TEX14: variants seen among roughly 807,000 people sequenced by gnomAD.
TEX14 encodes inactive serine/threonine-protein kinase TEX14.
In TEX14, 168 loss-of-function variants were observed where a neutral mutation model predicts 178.6. The ratio of observed to expected loss-of-function variants is 0.94; its 90% CI spans 0.83 to 1.07. The LOEUF is 1.07. Among genes scored for constraint, TEX14 ranks in the 50% least tolerant of loss-of-function variants. The probability of loss-of-function intolerance (pLI) is 0.00; values close to 1 mark genes in which losing one functional copy is unlikely to be tolerated. For synonymous variants in TEX14, 626 were observed against 634.1 expected, an observed-to-expected ratio of 0.99 and a Z score of 0.19; for missense variants, 1,730 against 1,753.6, an observed-to-expected ratio of 0.99 and a Z score of 0.24.
intron 26 of TEX14, among the ~76,000 whole-genome samples, chr17:58,567,037 C>T (rs1378888417): frequency 6.6e-6 from 1 of 151,744 alleles, no homozygotes; most frequent in East Asian, 1.9e-4. Context: ...CATGGTGGCT[C>T]ATGCCTGTAA....
intron 14 of TEX14, 58 bp from the exon 15 acceptor site, chr17:58,593,719 C>T (rs2045213042): frequency 7.4e-7 from 1 of 1,352,346 alleles, no homozygotes; most frequent in Admixed American, 1.7e-5. Context: ...ACTCTCTTCA[C>T]TGTCACACTA....
intron 3 of TEX14, among the ~76,000 whole-genome samples, chr17:58,629,355 G>A (rs1386925897): frequency 7.9e-5 from 12 of 151,824 alleles, no homozygotes; most frequent in Non-Finnish European, 1.5e-5. Context: ...TAGGGAGGCT[G>A]AGGCAGGAGA....
At chr17:58,565,370 T>C (rs908494134) in intron 27 of TEX14, among the ~76,000 whole-genome samples, 1 of 152,152 alleles carries the variant, frequency 6.6e-6, no homozygotes, top group African/African-American at 2.4e-5. Context: ...GGAAAGGAAT[T>C]TGGGTGGGGA....
intron 15 of TEX14, among the ~76,000 whole-genome samples, chr17:58,589,076 C>A (rs1302743806): frequency 2.0e-5 from 3 of 151,452 alleles, no homozygotes; most frequent in Non-Finnish European, 4.4e-5. Flanking sequence ...GTGAGCCTGG[C>A]CAACATGGTG....
At chr17:58,659,246 C>T (rs1220445998) in intron 1 of TEX14, 2 of 607,456 alleles carry the variant, frequency 3.3e-6, no homozygotes, top group Non-Finnish European at 2.0e-6. Flanking sequence ...AGTAAAAACC[C>T]TCCCCCAAGA....
intron 15 of TEX14, among the ~76,000 whole-genome samples, chr17:58,591,828 T>C (rs1411089675): frequency 1.3e-5 from 2 of 150,812 alleles, no homozygotes; most frequent in East Asian, 3.9e-4. Flanking sequence ...GAGGCTGAGG[T>C]GGGTGGATGA....
chr17:58,623,830 A>C (rs2046065654), intron 3 of TEX14, among the ~76,000 whole-genome samples: 1 of 147,818 alleles, frequency 6.8e-6, no homozygotes, highest in Admixed American at 6.8e-5. Flanking sequence ...GGGGAGGGGG[A>C]GGCAGAGGAG....
intron 7 of TEX14, among the ~76,000 whole-genome samples, 159 bp from the exon 8 acceptor site, chr17:58,615,504 C>T (rs1008365165): frequency 2.6e-5 from 4 of 152,222 alleles, no homozygotes. Flanking sequence ...TACCCACCCC[C>T]AGGTACTAAA....
intron 2 of TEX14, among the ~76,000 whole-genome samples, chr17:58,650,773 G>A (rs1408388415): frequency 2.6e-5 from 4 of 152,176 alleles, no homozygotes; most frequent in Non-Finnish European, 4.4e-5. Context: ...CACTGTGCCA[G>A]CCATGAGAAC....
At chr17:58,563,334 T>C (rs1444786022) in intron 28 of TEX14, among the ~76,000 whole-genome samples, 6 of 152,074 alleles carry the variant, frequency 3.9e-5, no homozygotes, top group Non-Finnish European at 7.4e-5. Flanking sequence ...TAGACTGAAT[T>C]GTCTGGAAGA....
At chr17:58,594,498 G>A (rs1044229022) in intron 14 of TEX14, among the ~76,000 whole-genome samples, 7 of 151,774 alleles carry the variant, frequency 4.6e-5, no homozygotes, top group South Asian at 2.1e-4. Context: ...TTACAGGTGC[G>A]CGCCACTACC....
intron 5 of TEX14, among the ~76,000 whole-genome samples, chr17:58,620,418 C>G (rs1240773465): frequency 1.3e-5 from 2 of 152,158 alleles, no homozygotes; most frequent in African/African-American, 2.4e-5. Flanking sequence ...CAACCTCCAC[C>G]TCCCAGATTC....
chr17:58,645,066 A>G (rs1598413559), intron 2 of TEX14, among the ~76,000 whole-genome samples: 1 of 146,706 alleles, frequency 6.8e-6, no homozygotes, highest in Admixed American at 6.8e-5. Flanking sequence ...GCTCACTGCA[A>G]CCTCCGCCTC....
chr17:58,589,552 C>T (rs912498055), intron 15 of TEX14, among the ~76,000 whole-genome samples: 12 of 114,934 alleles, frequency 1.0e-4, no homozygotes, highest in African/African-American at 3.4e-4. Context: ...TGCGAGACTC[C>T]GTCTCAAAAA....
intron 19 of TEX14, chr17:58,581,509 T>C: frequency 1.5e-6 from 2 of 1,321,164 alleles, no homozygotes; most frequent in South Asian, 1.3e-5. Context: ...AAAATCCTGG[T>C]AGACATTACA....
intron 3 of TEX14, among the ~76,000 whole-genome samples, chr17:58,624,055 G>A (rs562464934): frequency 2.0e-5 from 3 of 152,206 alleles, no homozygotes; most frequent in Non-Finnish European, 2.9e-5. Flanking sequence ...AGGCCGAGGC[G>A]GGCAGATCAC....
chr17:58,617,338 A>T (rs1346950921), intron 6 of TEX14, among the ~76,000 whole-genome samples, 200 bp downstream of exon 6: 2 of 152,214 alleles, frequency 1.3e-5, no homozygotes, highest in East Asian at 3.8e-4. Flanking sequence ...GGGTCATCCA[A>T]GGGAATTCTC....
chr17:58,635,562 T>C (rs1224732603), intron 2 of TEX14, among the ~76,000 whole-genome samples: 3 of 152,034 alleles, frequency 2.0e-5, no homozygotes, highest in African/African-American at 7.2e-5. Flanking sequence ...CCTGAGTAGC[T>C]GCAATTACAG....
At chr17:58,645,515 C>T (rs185042466) in intron 2 of TEX14, among the ~76,000 whole-genome samples, 15 of 152,110 alleles carry the variant, frequency 9.9e-5, no homozygotes, top group African/African-American at 2.2e-4. Context: ...CCCGCCACCG[C>T]GCCCGACTAA....
Sources: gnomAD v4.1 joint callset for allele counts (sites outside exome capture counted in the v4.1 genomes callset) on GRCh38, gnomAD v4.1.1 for gene constraint, MANE v1.5 for transcripts, NCBI Gene and HGNC (gene_info 2026-07-23, HGNC 2026-07-21) for gene names.